Variants in RBFOX1 observed in about 807,000 individuals in gnomAD.
The protein encoded by RBFOX1 is RNA binding protein fox-1 homolog 1.
RBFOX1 carries 8 observed loss-of-function variants against 57.7 expected under a neutral mutation model. The observed-to-expected ratio is 0.14, with a 90% CI of 0.08 to 0.25. RBFOX1 has a LOEUF of 0.25. Among genes scored for constraint, RBFOX1 ranks in the 10% least tolerant of loss-of-function variants. The pLI is 1.00. For synonymous variants in RBFOX1, 326 were observed against 222.4 expected (o/e 1.47, Z -4.15); for missense variants, 611 against 548.5 (o/e 1.11, Z -1.14).
At chr16:7,217,906 A>ATGCGTATGTGTG (rs2092354794) in intron 4 of RBFOX1, among the ~76,000 whole-genome samples, 1 of 60,932 alleles carries the variant, frequency 1.6e-5, no homozygotes, top group Non-Finnish European at 3.3e-5. Flanking sequence ...ATGTGTGTGC[A>ATGCGTATGTGTG]TGTGTGTGTG....
At chr16:6,757,690 A>C (rs2076021033) in intron 3 of RBFOX1, among the ~76,000 whole-genome samples, 1 of 152,128 alleles carries the variant, frequency 6.6e-6, no homozygotes, top group African/African-American at 2.4e-5. Flanking sequence ...AATAAGTACA[A>C]ACATATGGTT....
intron 4 of RBFOX1, among the ~76,000 whole-genome samples, chr16:5,915,236 C>G (rs552903810): frequency 2.6e-5 from 4 of 152,292 alleles, no homozygotes; most frequent in African/African-American, 7.2e-5. Flanking sequence ...AGGTCAAGAT[C>G]ATCACTAATT....
At chr16:5,795,072 C>T (rs2054831115) in intron 3 of RBFOX1, among the ~76,000 whole-genome samples, 1 of 152,314 alleles carries the variant, frequency 6.6e-6, no homozygotes, top group African/African-American at 2.4e-5. Flanking sequence ...ATTATTCCAT[C>T]TCAGTTTCTC....
intron 2 of RBFOX1, among the ~76,000 whole-genome samples, chr16:6,531,478 G>GTT (rs1386586042): frequency 6.6e-6 from 1 of 152,164 alleles, no homozygotes; most frequent in Non-Finnish European, 1.5e-5. Context: ...TTTAGGACAG[G>GTT]TTCTCATGAA....
chr16:5,468,425 C>T (rs1320513791), intron 2 of RBFOX1, among the ~76,000 whole-genome samples: 1 of 152,136 alleles, frequency 6.6e-6, no homozygotes, highest in Non-Finnish European at 1.5e-5. Context: ...CTGAGTTTTT[C>T]ACATAAGTGG....
intron 4 of RBFOX1, among the ~76,000 whole-genome samples, chr16:7,075,375 A>G (rs532864857): frequency 2.6e-4 from 39 of 152,228 alleles, no homozygotes; most frequent in Non-Finnish European, 5.3e-4. Context: ...AAAAACTTTC[A>G]GTTGCTGTGT....
intron 3 of RBFOX1, among the ~76,000 whole-genome samples, chr16:6,693,505 C>G (rs891144848): frequency 6.6e-6 from 1 of 151,686 alleles, no homozygotes; most frequent in African/African-American, 2.4e-5. Flanking sequence ...CCATCATCAT[C>G]ATCCTCATCC....
chr16:7,072,260 C>G (rs183564968), intron 4 of RBFOX1, among the ~76,000 whole-genome samples: 87 of 152,256 alleles, frequency 5.7e-4, no homozygotes, highest in Non-Finnish European at 4.4e-5. Flanking sequence ...GCCAGAATGA[C>G]CTTTAAAGAG....
At chr16:7,333,033 C>G in intron 4 of RBFOX1, 2 of 1,613,838 alleles carry the variant, frequency 1.2e-6, no homozygotes, top group Non-Finnish European at 8.5e-7. Context: ...CTCCTGCATC[C>G]TTATGGCGTG....
At chr16:6,593,628 TG>T (rs1246913417) in intron 2 of RBFOX1, among the ~76,000 whole-genome samples, 1 of 152,206 alleles carries the variant, frequency 6.6e-6, no homozygotes, top group Non-Finnish European at 1.5e-5. Flanking sequence ...GCTGGTAATG[TG>T]AGTGCCCTGT....
intron 3 of RBFOX1, among the ~76,000 whole-genome samples, chr16:6,783,284 G>T (rs564928486): frequency 6.7e-6 from 1 of 149,090 alleles, no homozygotes; most frequent in East Asian, 2.0e-4. Flanking sequence ...GTTGTTTTTT[G>T]TTGTTGTTGT....
In RBFOX1 at chr16:5,955,259, T is replaced by G. The variant is rs746700468; in HGVS notation, c.351+87924T>G. ...TTATGCCATTGCACTTCAGCCTGGGTGACAAGAGTGAGACTCTGTCTCCCA... is the reference window on the plus strand; with the variant it reads ...TTATGCCATTGCACTTCAGCCTGGGGGACAAGAGTGAGACTCTGTCTCCCA... On this transcript the variant is annotated intron_variant, in intron 4 of 19. Transcript: ENST00000641259. Among the ~76,000 whole-genome samples the G allele has an allele frequency of 6.3e-4, 91 of 144,856 alleles. 2 individuals carry two copies. The highest frequency in any genetic ancestry group is 9.7e-4 in the Non-Finnish European group (65 of 67,092).
intron 5 of RBFOX1, among the ~76,000 whole-genome samples, chr16:7,561,632 A>C: frequency 6.6e-6 from 1 of 151,904 alleles, no homozygotes; most frequent in East Asian, 1.9e-4. Context: ...TCCTGGAAAA[A>C]CCCCAGTAGT....
intron 2 of RBFOX1, among the ~76,000 whole-genome samples, chr16:5,561,138 G>A (rs1277320069): frequency 6.6e-6 from 1 of 152,164 alleles, no homozygotes; most frequent in Admixed American, 6.5e-5. Context: ...AGGGCAGGAG[G>A]GGTGGGAAAA....
chr16:7,487,952 G>C (rs992921908), intron 4 of RBFOX1, among the ~76,000 whole-genome samples: 1 of 152,098 alleles, frequency 6.6e-6, no homozygotes, highest in African/African-American at 2.4e-5. Context: ...TCTTGGAATG[G>C]ATTTTTTTTT....
At chr16:7,485,091 T>G (rs2065048203) in intron 4 of RBFOX1, among the ~76,000 whole-genome samples, 2 of 151,848 alleles carry the variant, frequency 1.3e-5, no homozygotes, top group Non-Finnish European at 1.5e-5. Flanking sequence ...ACAGAGGACT[T>G]GACTTAGATA....
In RBFOX1 at chr16:6,036,958, A is replaced by G. The variant is rs1048733246; in HGVS notation, c.-127+16966A>G. Among the ~76,000 whole-genome samples, 6 of 152,268 alleles carry G rather than the reference A, an allele frequency of 3.9e-5. No individual in the cohort carries two copies. In the East Asian group the frequency reaches 9.6e-4, roughly 24 times the overall value. ...CAAGGAAAAAGGATACTACAGCCCA[A>G]CCACTTCACCTGTTTTAACCTTCTG... On this transcript the variant is annotated intron_variant, in intron 1 of 15. Coordinates refer to ENST00000550418, the MANE Select transcript of RBFOX1 (RefSeq NM_018723.4).
intron 4 of RBFOX1, among the ~76,000 whole-genome samples, chr16:7,451,023 C>T (rs7191777): frequency 0.55 from 83,346 of 152,026 alleles, 23,280 homozygotes; most frequent in East Asian, 0.74. Flanking sequence ...GGCTTCGCTT[C>T]TGAGTGGTAA....
At chr16:6,139,325 C>T (rs950431700) in intron 1 of RBFOX1, among the ~76,000 whole-genome samples, 1 of 152,118 alleles carries the variant, frequency 6.6e-6, no homozygotes, top group African/African-American at 2.4e-5. Flanking sequence ...CAGAATTCTG[C>T]ATCACACAGA....
Sources: allele counts gnomAD v4.1 joint callset (sites outside exome capture counted in the v4.1 genomes callset), GRCh38; gene constraint gnomAD v4.1.1; transcripts MANE v1.5; gene names NCBI Gene and HGNC (gene_info 2026-07-23, HGNC 2026-07-21).